PDE5A: variants seen among roughly 807,000 people sequenced by gnomAD.
The protein encoded by PDE5A is phosphodiesterase 5A, also known as cGMP-specific 3',5'-cyclic phosphodiesterase.
A neutral mutation model predicts 110.2 loss-of-function variants in PDE5A; 67 were observed. The ratio of observed to expected loss-of-function variants is 0.61; its 90% confidence interval spans 0.50 to 0.75. The LOEUF (loss-of-function observed/expected upper bound fraction) is 0.75, where lower values mean the gene tolerates loss of function less well. Ranked by LOEUF, PDE5A falls within the 30% of genes least tolerant of loss-of-function variation. PDE5A has a pLI of 0.00. For synonymous variants in PDE5A, 328 were observed against 351.2 expected (o/e 0.93, Z 0.74); for missense variants, 862 against 1,045.1 (o/e 0.82, Z 2.42).
chr4:119,628,668 C>T lies in PDE5A; in HGVS notation c.4G>A (p.Glu2Lys). The T allele has an allele frequency of 1.2e-6, 2 of 1,612,424 alleles. No homozygotes were observed. The highest frequency in any genetic ancestry group is 2.2e-5 in the East Asian group (1 of 44,858). M[E>K]RAGPSFGQQR... is the part of the protein sequence containing the mutation. ...TGCCCGAAGCTGGGGCCGGCCCGCT[C>T]CATGGTTGGCACCGCGCGCCTCGGA... Residue 2 changes from glutamate (E) to lysine (K), a missense_variant, in exon 1 of 21, where the codon GAG becomes AAG. Coordinates refer to ENST00000354960, the MANE Select transcript of PDE5A (RefSeq NM_001083.4).
At chr4:119,596,473 A>G (rs200248799) in intron 3 of PDE5A, 50 bp downstream of exon 3, 64 of 1,067,780 alleles carry the variant, frequency 6.0e-5, no homozygotes, top group Non-Finnish European at 8.4e-5. Context: ...ATATTTTTCA[A>G]AAAGAAAAAT....
intron 9 of PDE5A, chr4:119,551,742 T>A (rs996732577): frequency 1.3e-5 from 2 of 152,202 alleles, no homozygotes; most frequent in Non-Finnish European, 2.9e-5. Context: ...ACTAAAACTC[T>A]CATTCAATAA....
intron 3 of PDE5A, among the ~76,000 whole-genome samples, chr4:119,570,169 A>T (rs1022751873): frequency 6.6e-6 from 1 of 152,186 alleles, no homozygotes; most frequent in Non-Finnish European, 1.5e-5. Context: ...CCTGAGCAAA[A>T]CTGGCATCCT....
At chr4:119,503,768 CTG>C (rs1007744808) in intron 18 of PDE5A, among the ~76,000 whole-genome samples, 6 of 152,170 alleles carry the variant, frequency 3.9e-5, no homozygotes, top group Admixed American at 3.9e-4. Flanking sequence ...GAAATGAAAA[CTG>C]TGCTAATGTA....
At chr4:119,552,914 A>G (rs1727407666) in intron 8 of PDE5A, among the ~76,000 whole-genome samples, 1 of 151,956 alleles carries the variant, frequency 6.6e-6, no homozygotes, top group South Asian at 2.1e-4. Flanking sequence ...GTTAAAAAAA[A>G]TAAGTAAAAG....
intron 7 of PDE5A, among the ~76,000 whole-genome samples, chr4:119,554,829 A>C (rs557029883): frequency 5.6e-4 from 86 of 152,328 alleles, no homozygotes; most frequent in African/African-American, 1.8e-3. Flanking sequence ...AGGTATTATA[A>C]GTAATATAGA....
chr4:119,495,016 G>T lies in PDE5A; in HGVS notation c.*3585C>A, dbSNP rs1560588431. The T allele has an allele frequency of 1.3e-5, 2 of 152,510 alleles. No homozygotes were observed. Among genetic ancestry groups the T allele is most frequent in the African/African-American group, 2.4e-5 (1 of 41,426 alleles). The allele number at this position is 152,510 out of a possible 1,614,324, so 9.4% of individuals were successfully genotyped here. A position where few individuals can be genotyped will look rare whatever the true frequency, so the allele number is the denominator to read the frequency against. The stretch of plus-strand genomic sequence containing the variant: ...CATGGAAAAAATAAACTATATACAA[G>T]AATACAAAACTCCTAAAGTGTTCTT... On this transcript the variant is annotated 3_prime_UTR_variant, in exon 21 of 21. Coordinates refer to ENST00000354960, the MANE Select transcript of PDE5A (RefSeq NM_001083.4).
At chr4:119,615,870 A>C (rs1729924329) in intron 1 of PDE5A, among the ~76,000 whole-genome samples, 1 of 152,190 alleles carries the variant, frequency 6.6e-6, no homozygotes. Context: ...TTAATGAAAG[A>C]CAACAGGCCC....
chr4:119,553,104 C>A (rs1727416259), intron 8 of PDE5A, among the ~76,000 whole-genome samples: 1 of 152,042 alleles, frequency 6.6e-6, no homozygotes, highest in African/African-American at 2.4e-5. Context: ...ATAACAAAAT[C>A]ATCCAAATAA....
At chr4:119,513,623 T>C (rs1725820021) in intron 14 of PDE5A, among the ~76,000 whole-genome samples, 1 of 152,198 alleles carries the variant, frequency 6.6e-6, no homozygotes. Flanking sequence ...TGAAAAATAA[T>C]GTGCTCAAGG....
At chr4:119,600,247 A>G (rs1729297425) in intron 2 of PDE5A, among the ~76,000 whole-genome samples, 1 of 152,076 alleles carries the variant, frequency 6.6e-6, no homozygotes, top group Admixed American at 6.5e-5. Flanking sequence ...TGAAACACCC[A>G]ATAGAGGAAA....
intron 12 of PDE5A, among the ~76,000 whole-genome samples, chr4:119,521,880 C>T (rs1405667161): frequency 1.3e-5 from 2 of 151,938 alleles, no homozygotes; most frequent in Admixed American, 6.6e-5. Context: ...TCAGAATCTG[C>T]CTCTCTTCAA....
rs1578841793 is a variant in PDE5A, at chr4:119,627,021, G to A, written c.152+1499C>T. 11 of 1,039,932 alleles carry A rather than the reference G, an allele frequency of 1.1e-5. No individual in the cohort carries two copies. In the East Asian group the frequency reaches 2.6e-4, roughly 25 times the overall value. 64.4% of individuals were successfully genotyped at this position (1,039,932 alleles called of 1,614,324 possible). A position where few individuals can be genotyped will look rare whatever the true frequency, so the allele number is the denominator to read the frequency against. On this transcript the variant is annotated intron_variant, in intron 1 of 20. Coordinates refer to ENST00000354960, the MANE Select transcript of PDE5A (RefSeq NM_001083.4). The surrounding 1 kb of genome is among the most constrained non-coding windows in gnomAD (Gnocchi z 4.6). ...GCAAAGAATAACAACAACAACAAAAGTTATACAGTCAATTTTCAATGATAC... is the reference window on the plus strand; with the variant it reads ...GCAAAGAATAACAACAACAACAAAAATTATACAGTCAATTTTCAATGATAC...
chr4:119,563,292 GA>G (rs1393857558), intron 5 of PDE5A, among the ~76,000 whole-genome samples: 2 of 152,090 alleles, frequency 1.3e-5, no homozygotes, highest in Non-Finnish European at 2.9e-5. Flanking sequence ...CTGTTAGGAG[GA>G]TTAAGATAAT....
At chr4:119,598,563 C>T (rs1431386752) in intron 2 of PDE5A, among the ~76,000 whole-genome samples, 1 of 152,196 alleles carries the variant, frequency 6.6e-6, no homozygotes, top group Non-Finnish European at 1.5e-5. Context: ...CCTTGGATGT[C>T]CACTTGCCAT....
chr4:119,576,254 T>C (rs1728339467), intron 3 of PDE5A, among the ~76,000 whole-genome samples: 1 of 152,254 alleles, frequency 6.6e-6, no homozygotes, highest in South Asian at 2.1e-4. Context: ...TTTAACACCC[T>C]ACTGTCAACA....
chr4:119,620,852 G>A (rs1730118658), intron 1 of PDE5A, among the ~76,000 whole-genome samples: 1 of 152,178 alleles, frequency 6.6e-6, no homozygotes, highest in Non-Finnish European at 1.5e-5. Context: ...AGTAAAAAAT[G>A]AAAGCTGGTA....
intron 5 of PDE5A, among the ~76,000 whole-genome samples, chr4:119,563,232 A>T (rs1379696590): frequency 2.6e-5 from 4 of 152,132 alleles, no homozygotes; most frequent in African/African-American, 9.7e-5. Flanking sequence ...TTTGAGACTG[A>T]GGGCAAATTT....
At position 119,498,505 on chromosome 4, in the gene PDE5A, C is replaced by G; in HGVS notation, c.*96G>C. 1 of 1,393,820 alleles carries G rather than the reference C, an allele frequency of 7.2e-7. No individual in the cohort carries two copies. 86.3% of individuals were successfully genotyped at this position (1,393,820 alleles called of 1,614,324 possible). On this transcript the variant is annotated 3_prime_UTR_variant, in exon 21 of 21. Transcript: ENST00000354960. ...AAATACAGCAGTGGCAAAGTATATA[C>G]CAAATACAGACACTATACAGACAGT...
Sources: allele counts gnomAD v4.1 joint callset (sites outside exome capture counted in the v4.1 genomes callset), GRCh38; gene constraint gnomAD v4.1.1; non-coding constraint Gnocchi (gnomAD v3.1); transcripts MANE v1.5; gene names NCBI Gene and HGNC (gene_info 2026-07-23, HGNC 2026-07-21).